ADCY8: variants seen among roughly 807,000 people sequenced by gnomAD.
ADCY8 encodes adenylate cyclase 8.
In ADCY8, 51 loss-of-function variants were observed where a neutral mutation model predicts 119.7. The ratio of observed to expected loss-of-function variants is 0.43; its 90% CI spans 0.34 to 0.54. The LOEUF (loss-of-function observed/expected upper bound fraction) is 0.54, where lower values mean the gene tolerates loss of function less well. ADCY8 is among the 20% of genes least tolerant of loss of function. The pLI, the probability that ADCY8 is intolerant of heterozygous loss-of-function variation, is 0.03. For synonymous variants in ADCY8, 665 were observed against 651.0 expected (o/e 1.02, Z -0.33); for missense variants, 1,383 against 1,598.8 (o/e 0.87, Z 2.30).
chr8:130,921,804 C>T (rs1039795597), intron 5 of ADCY8, among the ~76,000 whole-genome samples: 3 of 152,030 alleles, frequency 2.0e-5, no homozygotes, highest in East Asian at 1.9e-4. Context: ...TAATCATTTC[C>T]GTACCTTTGA....
Position 130,902,695 on chromosome 8 carries a change from T to G in ADCY8, c.1911+1077A>C, listed in dbSNP as rs74322038. ...TTTAGGCAGACAGATTTTTCTTATCTATAAGTTAATGAGAAATGTTGAGGT... is the reference window on the plus strand; with the variant it reads ...TTTAGGCAGACAGATTTTTCTTATCGATAAGTTAATGAGAAATGTTGAGGT... On this transcript the variant is annotated intron_variant, in intron 7 of 17. Transcript: ENST00000286355. 2.2e-3 allele frequency among the ~76,000 whole-genome samples: 329 copies of G among 152,302 alleles called. 3 individuals carry two copies. Among genetic ancestry groups the G allele is most frequent in the African/African-American group, 7.6e-3 (317 of 41,560 alleles).
intron 9 of ADCY8, among the ~76,000 whole-genome samples, chr8:130,861,156 C>G (rs1259929835): frequency 6.6e-6 from 1 of 152,002 alleles, no homozygotes; most frequent in East Asian, 1.9e-4. Context: ...TGTTGTTATT[C>G]TTTTATGGTA....
At chr8:130,869,502 T>TA (rs1305994757) in intron 8 of ADCY8, among the ~76,000 whole-genome samples, 2 of 133,692 alleles carry the variant, frequency 1.5e-5, no homozygotes, top group African/African-American at 6.1e-5. Flanking sequence ...TTTTTTTATT[T>TA]TGTTTATTTT....
intron 12 of ADCY8, among the ~76,000 whole-genome samples, chr8:130,821,924 G>T (rs1373343688): frequency 6.6e-6 from 1 of 152,142 alleles, no homozygotes; most frequent in Non-Finnish European, 1.5e-5. Flanking sequence ...AACTCTGTGG[G>T]CTGGGACAAG....
At chr8:130,787,048 C>A (rs1270509454) in intron 15 of ADCY8, among the ~76,000 whole-genome samples, 2 of 151,908 alleles carry the variant, frequency 1.3e-5, no homozygotes, top group African/African-American at 4.8e-5. Flanking sequence ...GTAAGCCAGG[C>A]CATAAGTTGA....
At position 130,803,465 on chromosome 8, in the gene ADCY8, C is replaced by T. The variant is rs988487603; in HGVS notation, c.2914-2893G>A. Reference sequence around the variant, plus strand: ...TATTGCACTCCAATTATGTATCATGCGATTAGTAGTTTTTAGATGCCCCTA... The same window carrying T: ...TATTGCACTCCAATTATGTATCATGTGATTAGTAGTTTTTAGATGCCCCTA... On this transcript the variant is annotated intron_variant, in intron 14 of 17. Transcript: ENST00000286355. Among the ~76,000 whole-genome samples the T allele has an allele frequency of 6.6e-5, 10 of 152,266 alleles. 1 individual carries two copies. In the East Asian group the frequency reaches 7.7e-4, roughly 12 times the overall value.
Position 130,814,126 on chromosome 8 carries a change from C to T in ADCY8, c.2856G>A (p.Arg952=). 1 of 1,614,132 alleles carries T rather than the reference C, an allele frequency of 6.2e-7. No homozygotes were observed. ...ELREHNENML[R]NILPSHVARH... ...GGGCCACATGGCTGGGTAAGATATTCCGGAGCATGTTCTCATTGTGTTCCC... is the reference window on the plus strand; with the variant it reads ...GGGCCACATGGCTGGGTAAGATATTTCGGAGCATGTTCTCATTGTGTTCCC... The change falls in exon 14 of 18, where the codon CGG becomes CGA. Residue 952 remains arginine (R), a synonymous_variant. Coordinates refer to ENST00000286355, the MANE Select transcript of ADCY8 (RefSeq NM_001115.3).
chr8:130,995,140 C>T (rs1822733545), intron 1 of ADCY8, among the ~76,000 whole-genome samples: 2 of 152,086 alleles, frequency 1.3e-5, no homozygotes, highest in African/African-American at 4.8e-5. Context: ...AGTTCAGTAA[C>T]CCTAATTCTG....
chr8:130,864,013 C>T lies in ADCY8; in HGVS notation c.2210+3833G>A, dbSNP rs188201826. Among the ~76,000 whole-genome samples the T allele has an allele frequency of 3.7e-3, 559 of 152,230 alleles. 5 individuals carry two copies. The highest frequency in any genetic ancestry group is 0.013 in the African/African-American group (532 of 41,556). The stretch of plus-strand genomic sequence containing the variant: ...TCACATTTCTTGCAGGGAATGTTGG[C>T]TAAAAATGTAGTTTTTGTTTTTCTG... On this transcript the variant is annotated intron_variant, in intron 9 of 17. Transcript: ENST00000286355.
At chr8:130,905,775 G>A (rs1405379710) in intron 6 of ADCY8, among the ~76,000 whole-genome samples, 4 of 152,150 alleles carry the variant, frequency 2.6e-5, no homozygotes, top group East Asian at 1.9e-4. Context: ...TGGGAAGATC[G>A]CTTGAGCCCA....
Position 130,911,542 on chromosome 8 carries a change from C to G in ADCY8, c.1482-1676G>C, listed in dbSNP as rs1003211392. Among the ~76,000 whole-genome samples, 9 of 151,580 alleles carry G rather than the reference C, an allele frequency of 5.9e-5. No individual in the cohort carries two copies. In the South Asian group the frequency reaches 1.9e-3, roughly 32 times the overall value. On this transcript the variant is annotated intron_variant, in intron 5 of 17. Transcript: ENST00000286355. ...TTTTTAAAAAGAATTATGTTTAAAC[C>G]CATTGCTCTCTAATAAATGGTGAAA... is the stretch of plus-strand genomic sequence containing the variant.
At chr8:130,909,557 G>T in intron 6 of ADCY8, 151 bp downstream of exon 6, 2 of 929,664 alleles carry the variant, frequency 2.2e-6, no homozygotes, top group Non-Finnish European at 3.3e-6. Context: ...GATTTTGGAA[G>T]CTAATAGTTG....
At chr8:130,941,672 C>G (rs1820961607) in intron 4 of ADCY8, among the ~76,000 whole-genome samples, 1 of 152,150 alleles carries the variant, frequency 6.6e-6, no homozygotes, top group Non-Finnish European at 1.5e-5. Context: ...CCGTCAGTCT[C>G]CTAGCTAGTA....
chr8:130,870,946 G>C (rs984392394), intron 8 of ADCY8, among the ~76,000 whole-genome samples: 3 of 152,106 alleles, frequency 2.0e-5, no homozygotes, highest in Non-Finnish European at 2.9e-5. Context: ...CGTTAATGTA[G>C]TTCATAAGTT....
intron 7 of ADCY8, among the ~76,000 whole-genome samples, chr8:130,890,433 G>GC (rs1179547217): frequency 1.3e-5 from 2 of 152,086 alleles, no homozygotes; most frequent in Non-Finnish European, 2.9e-5. Flanking sequence ...AGTCCCTTTA[G>GC]TTTTTTTCTG....
intron 5 of ADCY8, among the ~76,000 whole-genome samples, chr8:130,922,522 G>C (rs1330961846): frequency 1.3e-5 from 2 of 152,000 alleles, no homozygotes; most frequent in Non-Finnish European, 2.9e-5. Context: ...GCACAGGGTT[G>C]GGGGTAAGGT....
At chr8:130,861,021 T>G (rs1413728009) in intron 9 of ADCY8, among the ~76,000 whole-genome samples, 2 of 152,232 alleles carry the variant, frequency 1.3e-5, no homozygotes, top group Non-Finnish European at 1.5e-5. Flanking sequence ...ATTGATTATA[T>G]TTGTGTGGGT....
intron 1 of ADCY8, among the ~76,000 whole-genome samples, chr8:131,037,821 AC>A: frequency 1.3e-5 from 2 of 152,330 alleles, no homozygotes; most frequent in East Asian, 3.9e-4. Flanking sequence ...AATAGTTAAT[AC>A]CAAAGAATTT....
chr8:131,015,389 A>AC (rs139595424), intron 1 of ADCY8, among the ~76,000 whole-genome samples: 1,982 of 152,296 alleles, frequency 0.013, 43 homozygotes, highest in African/African-American at 0.046. Context: ...TTACGCAGAG[A>AC]CCCCAAATGG....
Sources: allele counts gnomAD v4.1 joint callset (sites outside exome capture counted in the v4.1 genomes callset), GRCh38; gene constraint gnomAD v4.1.1; transcripts MANE v1.5; gene names NCBI Gene and HGNC (gene_info 2026-07-23, HGNC 2026-07-21).